The following ATP12A variants were observed in gnomAD, a reference collection of about 807,000 sequenced individuals.
ATP12A encodes ATPase H+/K+ transporting non-gastric alpha2 subunit.
ATP12A carries 81 observed loss-of-function variants against 111.2 expected under a neutral mutation model. That is an observed-to-expected ratio of 0.73 (90% confidence interval 0.61 to 0.88). The LOEUF (loss-of-function observed/expected upper bound fraction) is 0.88. ATP12A is among the 40% of genes least tolerant of loss of function. The pLI is 0.00. For missense variants in ATP12A, 1,196 were observed against 1,313.1 expected (o/e 0.91, Z 1.38); for synonymous variants, 498 against 499.8 (o/e 1.00, Z 0.05).
In ATP12A at chr13:24,712,418, T is replaced by A. The variant is rs1482640732; in HGVS notation, c.*896T>A. ...GGTGTATTCATGTGTGACACTTCCA[T>A]GTTGACAGGCCCGGAAAGGCCTCAT... On this transcript the variant is annotated 3_prime_UTR_variant, in exon 23 of 23. Transcript: ENST00000381946. The A allele has an allele frequency of 6.6e-6, 1 of 152,212 alleles. No individual in the cohort carries two copies. Among genetic ancestry groups the A allele is most frequent in the East Asian group, 1.9e-4 (1 of 5,204 alleles). 9.4% of individuals were successfully genotyped at this position (152,212 alleles called of 1,614,324 possible).
intron 12 of ATP12A, 78 bp from the exon 13 acceptor site, chr13:24,700,669 G>A: frequency 2.2e-6 from 3 of 1,374,890 alleles, no homozygotes; most frequent in African/African-American, 2.9e-5. Context: ...GGACCAAGGT[G>A]TATGAGCATG....
At chr13:24,710,986 C>T in intron 21 of ATP12A, 93 bp downstream of exon 21, 1 of 1,174,142 alleles carries the variant, frequency 8.5e-7, no homozygotes, top group East Asian at 2.4e-5. Context: ...AGGGTTCTTC[C>T]CCAAGTCTTT....
Position 24,699,898 on chromosome 13 carries a change from A to C in ATP12A, c.1706-849A>C, listed in dbSNP as rs546844580. Among the ~76,000 whole-genome samples the C allele has an allele frequency of 1.4e-4, 21 of 152,320 alleles. No homozygotes were observed. The East Asian group carries it at 3.9e-3, about 28-fold the overall frequency. On this transcript the variant is annotated intron_variant, in intron 12 of 22. Coordinates refer to ENST00000381946, the MANE Select transcript of ATP12A (RefSeq NM_001676.7). ...GCAGTCTGTGGAATGTGTGTTTCTA[A>C]AGGCTATTGGAGTTGGCAAATCAGA...
Position 24,681,720 on chromosome 13 carries a change from G to T in ATP12A, c.168G>T (p.Leu56=). ...HKEEFQKELH[L]DDHKLSNREL... ...AGGAGTTTCAGAAAGAACTCCATCTGGTCAGTAGCCTTAAGCCACGGGGTC... is the reference window on the plus strand; with the variant it reads ...AGGAGTTTCAGAAAGAACTCCATCTTGTCAGTAGCCTTAAGCCACGGGGTC... The change falls in exon 2 of 23, where the codon CTG becomes CTT. Residue 56 remains leucine (L), a splice_region_variant and synonymous_variant. Transcript: ENST00000381946. 2 of 1,614,140 alleles carry T rather than the reference G, an allele frequency of 1.2e-6. No individual in the cohort carries two copies. The highest frequency in any genetic ancestry group is 1.7e-6 in the Non-Finnish European group (2 of 1,180,010).
At position 24,707,263 on chromosome 13, in the gene ATP12A, A is replaced by G. The variant is rs754290836; in HGVS notation, c.2339-16A>G. On this transcript the variant is annotated splice_polypyrimidine_tract_variant and intron_variant, in intron 16 of 22. Transcript: ENST00000381946. ...GGACTAGAAGTAAGTTCTGAAGGAG[A>G]AACCTCTCTGCCTAGGTCGCCTGAT... The G allele has an allele frequency of 1.2e-6, 2 of 1,614,132 alleles. No homozygotes were observed. Among genetic ancestry groups the G allele is most frequent in the Non-Finnish European group, 1.7e-6 (2 of 1,180,004 alleles).
At position 24,689,755 on chromosome 13, in the gene ATP12A, G is replaced by A. The variant is rs147798085; in HGVS notation, c.546+380G>A. Among the ~76,000 whole-genome samples the A allele has an allele frequency of 3.2e-4, 48 of 152,242 alleles. 1 individual carries two copies. In the East Asian group the frequency reaches 7.9e-3, roughly 25 times the overall value. On this transcript the variant is annotated intron_variant, in intron 5 of 22. Coordinates refer to ENST00000381946, the MANE Select transcript of ATP12A (RefSeq NM_001676.7). Reference sequence around the variant, plus strand: ...TCCTGAGCCCCAGAATGCATTTGGTGGGGAAGCCCAGTGCTCCCTTCTTCC... The same window carrying A: ...TCCTGAGCCCCAGAATGCATTTGGTAGGGAAGCCCAGTGCTCCCTTCTTCC...
chr13:24,695,027 T>C (rs9318723), intron 11 of ATP12A, among the ~76,000 whole-genome samples: 91,538 of 152,048 alleles, frequency 0.6, 28,192 homozygotes, highest in East Asian at 0.85. Context: ...TACGTGGCCT[T>C]GTTCCATGTT....
intron 10 of ATP12A, among the ~76,000 whole-genome samples, chr13:24,693,988 C>T (rs11616730): frequency 0.25 from 37,263 of 152,062 alleles, 4,936 homozygotes; most frequent in East Asian, 0.47. Context: ...CTCAAAATCT[C>T]TCCGTACTTC....
chr13:24,682,554 C>A (rs1470518585), intron 2 of ATP12A, among the ~76,000 whole-genome samples: 1 of 152,126 alleles, frequency 6.6e-6, no homozygotes, highest in South Asian at 2.1e-4. Flanking sequence ...AGACCTCTCT[C>A]CCCGCAGCTG....
chr13:24,681,344 C>T (rs1392245616), intron 1 of ATP12A, among the ~76,000 whole-genome samples: 3 of 152,054 alleles, frequency 2.0e-5, no homozygotes, highest in Non-Finnish European at 4.4e-5. Flanking sequence ...GGCCTGTGCC[C>T]ACCCCGCCTC....
In ATP12A at chr13:24,685,900, G is replaced by C. The variant is rs970998559; in HGVS notation, c.228+527G>C. ...GCTAGTATGTGTGGAGAGGGGACAGGTGCAGCAGGAATGAAGCCAGGAAGG... is the reference window on the plus strand; with the variant it reads ...GCTAGTATGTGTGGAGAGGGGACAGCTGCAGCAGGAATGAAGCCAGGAAGG... On this transcript the variant is annotated intron_variant, in intron 3 of 22. Transcript: ENST00000381946. This position sits in a 1 kb window ranked among gnomAD's most constrained non-coding sequence, Gnocchi z 5.5. 6.6e-6 allele frequency among the ~76,000 whole-genome samples: 1 copy of C among 152,224 alleles called. No homozygotes were observed. The highest frequency in any genetic ancestry group is 2.4e-5 in the African/African-American group (1 of 41,448).
chr13:24,692,810 AGGACTTG>A lies in ATP12A; in HGVS notation c.1294_1300del (p.Thr432ProfsTer6). On this transcript the variant is annotated frameshift_variant, in exon 10 of 23. Coordinates refer to ENST00000381946, the MANE Select transcript of ATP12A (RefSeq NM_001676.7). LOFTEE classifies it high-confidence loss of function. ...AGACCAAGTCTTTGACCAAAGCTCT[AGGACTTG>A]GGCCTCCTTATCCAAGATAATAACA... 1 of 1,614,218 alleles carries A rather than the reference AGGACTTG, an allele frequency of 6.2e-7. No individual in the cohort carries two copies. The highest frequency in any genetic ancestry group is 8.5e-7 in the Non-Finnish European group (1 of 1,180,034).
At chr13:24,687,534 T>A (rs1236686875) in intron 3 of ATP12A, among the ~76,000 whole-genome samples, 5 of 152,204 alleles carry the variant, frequency 3.3e-5, no homozygotes, top group Admixed American at 6.5e-5. Context: ...AAGAGGTATC[T>A]ACAGACTTGT....
intron 14 of ATP12A, chr13:24,704,919 T>C (rs981928910): frequency 6.6e-6 from 1 of 152,462 alleles, no homozygotes; most frequent in African/African-American, 2.4e-5. Flanking sequence ...TCATCAGCTC[T>C]AGTTTCATGA....
chr13:24,688,316 C>T lies in ATP12A; in HGVS notation c.229-3C>T. On this transcript the variant is annotated splice_polypyrimidine_tract_variant and splice_region_variant and intron_variant, in intron 3 of 22. Coordinates refer to ENST00000381946, the MANE Select transcript of ATP12A (RefSeq NM_001676.7). Reference sequence around the variant, plus strand: ...GTGCATGTGCTTTGTTTGGCTTTCCCAGGGTCTCTCCAGCACCAGAGCTGC... The same window carrying T: ...GTGCATGTGCTTTGTTTGGCTTTCCTAGGGTCTCTCCAGCACCAGAGCTGC... 6.2e-7 allele frequency: 1 copy of T among 1,605,998 alleles called. No homozygotes were observed. The highest frequency in any genetic ancestry group is 8.5e-7 in the Non-Finnish European group (1 of 1,175,674).
At chr13:24,710,640 C>T in intron 20 of ATP12A, 47 bp downstream of exon 20, 1 of 1,612,434 alleles carries the variant, frequency 6.2e-7, no homozygotes, top group Non-Finnish European at 8.5e-7. Flanking sequence ...GCCTGCCGTG[C>T]AAGGATGATG....
chr13:24,682,098 T>C lies in ATP12A; in HGVS notation c.168+378T>C, dbSNP rs1250533966. On this transcript the variant is annotated intron_variant, in intron 2 of 22. Coordinates refer to ENST00000381946, the MANE Select transcript of ATP12A (RefSeq NM_001676.7). The stretch of plus-strand genomic sequence containing the variant: ...GTGTGTGTATGTGTGGTGTGTGTGA[T>C]GTGTGTGTGATGTGTGTGTGGTGTG... Among the ~76,000 whole-genome samples, 9 of 87,258 alleles carry C rather than the reference T, an allele frequency of 1.0e-4. No homozygotes were observed. In the South Asian group the frequency reaches 3.7e-3, roughly 35 times the overall value. The allele number at this position is 87,258 out of a possible 152,430, so 57.2% of individuals were successfully genotyped here.
At chr13:24,680,999 G>T (rs1044410483) in intron 1 of ATP12A, among the ~76,000 whole-genome samples, 5 of 152,238 alleles carry the variant, frequency 3.3e-5, no homozygotes, top group Admixed American at 6.5e-5. Context: ...GCGAGAAGGG[G>T]CCAAGGGGTC....
At chr13:24,697,781 A>T (rs963003148) in intron 11 of ATP12A, among the ~76,000 whole-genome samples, 2 of 151,782 alleles carry the variant, frequency 1.3e-5, no homozygotes, top group Admixed American at 6.6e-5. Context: ...TCTTTACTTG[A>T]TCATTAAAAA....
Sources: allele counts gnomAD v4.1 joint callset (sites outside exome capture counted in the v4.1 genomes callset), GRCh38; gene constraint gnomAD v4.1.1; non-coding constraint Gnocchi (gnomAD v3.1); transcripts MANE v1.5; gene names NCBI Gene and HGNC (gene_info 2026-07-23, HGNC 2026-07-21).